NDST4: variants seen among roughly 807,000 people sequenced by gnomAD.
The protein encoded by NDST4 is N-heparan sulfate sulfotransferase 4.
NDST4 carries 63 observed loss-of-function variants against 100.8 expected under a neutral mutation model. The observed-to-expected ratio is 0.62, with a 90% CI of 0.51 to 0.77. The LOEUF (loss-of-function observed/expected upper bound fraction) is 0.77, where lower values mean the gene tolerates loss of function less well. Among genes scored for constraint, NDST4 ranks in the 30% least tolerant of loss-of-function variants. NDST4 has a pLI of 0.00. For missense variants in NDST4, 943 were observed against 1,018.4 expected, an observed-to-expected ratio of 0.93 and a Z score of 1.01; for synonymous variants, 377 against 361.8, an observed-to-expected ratio of 1.04 and a Z score of -0.48.
intron 3 of NDST4, among the ~76,000 whole-genome samples, chr4:114,972,215 C>T (rs1216320405): frequency 6.6e-6 from 1 of 151,944 alleles, no homozygotes; most frequent in Non-Finnish European, 1.5e-5. Flanking sequence ...TTAATTTAGT[C>T]TATATTTAAC....
rs2126186029 is a variant in NDST4, at chr4:114,845,821, A to T, written c.2115+2T>A. The stretch of plus-strand genomic sequence containing the variant: ...TTTAGCCGATTTTTTTACTGACCAT[A>T]CCTGGTACCAAGAGTATGCCCTGTC... On this transcript the variant is annotated splice_donor_variant, in intron 10 of 13. Transcript: ENST00000264363. LOFTEE classifies it high-confidence loss of function. The T allele has an allele frequency of 1.2e-6, 2 of 1,608,080 alleles. No homozygotes were observed. The highest frequency in any genetic ancestry group is 1.3e-5 in the African/African-American group (1 of 74,854).
intron 6 of NDST4, among the ~76,000 whole-genome samples, chr4:114,883,396 T>C (rs1724412216): frequency 6.6e-6 from 1 of 151,998 alleles, no homozygotes; most frequent in Non-Finnish European, 1.5e-5. Context: ...AAGTTGTCTA[T>C]GTTAGTTTAA....
intron 2 of NDST4, among the ~76,000 whole-genome samples, chr4:115,038,745 G>A (rs1728286527): frequency 2.0e-5 from 3 of 152,294 alleles, no homozygotes; most frequent in Non-Finnish European, 2.9e-5. Context: ...GGGAGGCCAG[G>A]AAGGCAGACC....
At chr4:114,920,000 G>A (rs905318071) in intron 6 of NDST4, among the ~76,000 whole-genome samples, 1 of 152,130 alleles carries the variant, frequency 6.6e-6, no homozygotes, top group Admixed American at 6.5e-5. Context: ...CTACCCTCTA[G>A]AAAGTCATTT....
At chr4:114,927,420 C>A (rs995113762) in intron 6 of NDST4, among the ~76,000 whole-genome samples, 3 of 152,014 alleles carry the variant, frequency 2.0e-5, no homozygotes, top group Non-Finnish European at 4.4e-5. Context: ...GTAGCCCACA[C>A]AATTTTCTGA....
chr4:114,981,470 T>C (rs17623036), intron 2 of NDST4, among the ~76,000 whole-genome samples: 8,853 of 152,134 alleles, frequency 0.058, 349 homozygotes, highest in Middle Eastern at 0.099. Context: ...CATCATATAC[T>C]CCAGCTGGTT....
At position 115,102,853 on chromosome 4, in the gene NDST4, C is replaced by T. The variant is rs184376768; in HGVS notation, c.-247+10591G>A. On this transcript the variant is annotated intron_variant, in intron 1 of 13. Coordinates refer to ENST00000264363, the MANE Select transcript of NDST4 (RefSeq NM_022569.3). ...CCTCCTGAGTAGCTGGAATTATAGG[C>T]GCCTGCCACCACGCCTGGCTAATTT... Among the ~76,000 whole-genome samples, 1,515 of 151,580 alleles carry T rather than the reference C, an allele frequency of 1.0e-2. 23 individuals carry two copies. Among genetic ancestry groups the T allele is most frequent in the African/African-American group, 0.035 (1,429 of 41,326 alleles).
At chr4:114,838,204 C>T (rs1723343285) in intron 11 of NDST4, among the ~76,000 whole-genome samples, 1 of 152,156 alleles carries the variant, frequency 6.6e-6, no homozygotes, top group South Asian at 2.1e-4. Flanking sequence ...AATAGGAATG[C>T]TTTTACATTG....
chr4:114,881,426 A>AT (rs1416638025), intron 6 of NDST4, among the ~76,000 whole-genome samples: 1 of 152,110 alleles, frequency 6.6e-6, no homozygotes, highest in Non-Finnish European at 1.5e-5. Context: ...TACTGGAGCA[A>AT]TTTCACCTAA....
At chr4:115,021,829 T>G (rs886709266) in intron 2 of NDST4, among the ~76,000 whole-genome samples, 9 of 150,400 alleles carry the variant, frequency 6.0e-5, no homozygotes, top group Non-Finnish European at 8.9e-5. Context: ...ACCTTCCACA[T>G]CTATACACAT....
chr4:114,993,260 G>A (rs1437767153), intron 2 of NDST4, among the ~76,000 whole-genome samples: 7 of 151,858 alleles, frequency 4.6e-5, no homozygotes, highest in Admixed American at 3.9e-4. Flanking sequence ...CTACTAAAGT[G>A]GATCTAATTT....
chr4:115,068,240 A>G (rs1273813536), intron 2 of NDST4, among the ~76,000 whole-genome samples: 2 of 152,106 alleles, frequency 1.3e-5, no homozygotes, highest in African/African-American at 4.8e-5. Flanking sequence ...TTTTCAACTC[A>G]TAAAATACAT....
chr4:115,106,377 G>A (rs1268682229), intron 1 of NDST4, among the ~76,000 whole-genome samples: 2 of 152,026 alleles, frequency 1.3e-5, no homozygotes, highest in Non-Finnish European at 2.9e-5. Flanking sequence ...TATAATTGGA[G>A]AAATTTTTTA....
chr4:114,994,569 G>T (rs1727119189), intron 2 of NDST4, among the ~76,000 whole-genome samples: 1 of 151,808 alleles, frequency 6.6e-6, no homozygotes, highest in Non-Finnish European at 1.5e-5. Context: ...ATGTCCCCAG[G>T]GTAAAGAAAT....
At chr4:114,916,194 A>T (rs1312810052) in intron 6 of NDST4, among the ~76,000 whole-genome samples, 1 of 152,146 alleles carries the variant, frequency 6.6e-6, no homozygotes, top group Non-Finnish European at 1.5e-5. Context: ...TTTCTCAAGG[A>T]AGGTCACCAT....
intron 6 of NDST4, among the ~76,000 whole-genome samples, chr4:114,874,263 C>T (rs979826295): frequency 3.9e-5 from 6 of 151,902 alleles, no homozygotes; most frequent in African/African-American, 7.3e-5. Context: ...AAAAGATTTT[C>T]GCAGCAGACT....
intron 2 of NDST4, among the ~76,000 whole-genome samples, chr4:114,980,446 AG>A (rs1367985994): frequency 6.6e-6 from 1 of 152,042 alleles, no homozygotes; most frequent in African/African-American, 2.4e-5. Flanking sequence ...GTTCAAGACC[AG>A]CCTGGCCCAC....
intron 1 of NDST4, among the ~76,000 whole-genome samples, chr4:115,093,341 G>T (rs974962549): frequency 6.6e-6 from 1 of 152,078 alleles, no homozygotes; most frequent in Non-Finnish European, 1.5e-5. Flanking sequence ...TGGGCGTGGT[G>T]GCGGGTGCCT....
At chr4:114,991,661 A>G (rs1300490776) in intron 2 of NDST4, among the ~76,000 whole-genome samples, 1 of 152,000 alleles carries the variant, frequency 6.6e-6, no homozygotes, top group Non-Finnish European at 1.5e-5. Context: ...TAATATCAAA[A>G]CAGATAATAT....
Sources: allele counts gnomAD v4.1 joint callset (sites outside exome capture counted in the v4.1 genomes callset), GRCh38; gene constraint gnomAD v4.1.1; transcripts MANE v1.5; gene names NCBI Gene and HGNC (gene_info 2026-07-23, HGNC 2026-07-21).